XPR1: variants seen among roughly 807,000 people sequenced by gnomAD.
XPR1 encodes xenotropic and polytropic retrovirus receptor 1.
XPR1 carries 28 observed loss-of-function variants against 87.5 expected under a neutral mutation model. The ratio of observed to expected loss-of-function variants is 0.32; its 90% CI spans 0.24 to 0.44. XPR1 has a LOEUF of 0.44. XPR1 is among the 20% of genes least tolerant of loss of function. The probability of loss-of-function intolerance (pLI) is 1.00; values close to 1 mark genes in which losing one functional copy is unlikely to be tolerated. For synonymous variants in XPR1, 300 were observed against 306.1 expected (o/e 0.98, Z 0.21); for missense variants, 559 against 862.3 (o/e 0.65, Z 4.41).
intron 2 of XPR1, among the ~76,000 whole-genome samples, chr1:180,683,025 G>T (rs913777501): frequency 6.6e-6 from 1 of 151,872 alleles, no homozygotes; most frequent in African/African-American, 2.4e-5. Context: ...ACAATGTGCA[G>T]GTTTGTTACA....
intron 11 of XPR1, among the ~76,000 whole-genome samples, chr1:180,855,374 G>C (rs1271702216): frequency 6.6e-6 from 1 of 152,062 alleles, no homozygotes; most frequent in Non-Finnish European, 1.5e-5. Context: ...AACTTGAAAA[G>C]GGGTTTTTAC....
At chr1:180,766,939 T>TATG (rs1275912544) in intron 2 of XPR1, among the ~76,000 whole-genome samples, 1 of 152,232 alleles carries the variant, frequency 6.6e-6, no homozygotes, top group African/African-American at 2.4e-5. Context: ...TTGTCCCATA[T>TATG]ATGGTGACCA....
In XPR1 at chr1:180,811,470, A is replaced by G. The variant is rs1404572771; in HGVS notation, c.745A>G (p.Ile249Val). The change falls in exon 7 of 15, where the codon ATT (isoleucine) becomes GTT (valine). Residue 249 changes from isoleucine to valine, a missense_variant. Transcript: ENST00000367590. ...TTGTGGAATATTCATTGTACTGAAT[A>G]TTACCCTTGTGCTTGCCGGTAAGTA... ...LFCGIFIVLN[I>V]TLVLAAVFKL... 1.9e-6 allele frequency: 3 copies of G among 1,612,678 alleles called. No homozygotes were observed. The highest frequency in any genetic ancestry group is 2.5e-6 in the Non-Finnish European group (3 of 1,179,322).
intron 12 of XPR1, among the ~76,000 whole-genome samples, chr1:180,865,279 AAATT>A (rs1480352782): frequency 2.0e-5 from 3 of 152,210 alleles, no homozygotes; most frequent in East Asian, 1.9e-4. Flanking sequence ...TTTGAAAAGA[AAATT>A]AATAATCAGA....
chr1:180,748,512 G>A (rs1016620808), intron 2 of XPR1, among the ~76,000 whole-genome samples: 2 of 135,776 alleles, frequency 1.5e-5, no homozygotes, highest in African/African-American at 2.8e-5. Context: ...TCTGCCTCCC[G>A]GGTTCAAGCA....
intron 1 of XPR1, among the ~76,000 whole-genome samples, chr1:180,645,418 T>A (rs949711687): frequency 6.6e-6 from 1 of 152,250 alleles, no homozygotes; most frequent in Non-Finnish European, 1.5e-5. Context: ...CCAGTTTGGC[T>A]TTGAATGCAG....
At chr1:180,660,188 A>G (rs1333702984) in intron 1 of XPR1, among the ~76,000 whole-genome samples, 1 of 151,878 alleles carries the variant, frequency 6.6e-6, no homozygotes, top group East Asian at 1.9e-4. Context: ...TGATCCTTTG[A>G]ATTTCTGTGG....
chr1:180,696,204 G>A (rs369559114), intron 2 of XPR1, among the ~76,000 whole-genome samples: 11,254 of 98,900 alleles, frequency 0.11, 560 homozygotes, highest in African/African-American at 0.16. Flanking sequence ...GTGTGTGTGT[G>A]TGTGTATATA....
At chr1:180,726,725 T>A (rs1658364746) in intron 2 of XPR1, among the ~76,000 whole-genome samples, 1 of 152,200 alleles carries the variant, frequency 6.6e-6, no homozygotes, top group South Asian at 2.1e-4. Context: ...GAGAGATTTG[T>A]ACAAATGTAA....
intron 2 of XPR1, among the ~76,000 whole-genome samples, chr1:180,755,332 G>A (rs1331212051): frequency 6.6e-6 from 1 of 152,210 alleles, no homozygotes; most frequent in Non-Finnish European, 1.5e-5. Context: ...AAGTTAAGAA[G>A]CAGGTGAAAT....
At chr1:180,858,871 A>T (rs1012119741) in intron 11 of XPR1, among the ~76,000 whole-genome samples, 1 of 152,174 alleles carries the variant, frequency 6.6e-6, no homozygotes, top group Non-Finnish European at 1.5e-5. Context: ...ATCGGGGAAT[A>T]TCTATATTTG....
intron 2 of XPR1, among the ~76,000 whole-genome samples, chr1:180,739,231 G>A (rs920248349): frequency 6.6e-6 from 1 of 152,106 alleles, no homozygotes; most frequent in Non-Finnish European, 1.5e-5. Context: ...TGTTTCATTA[G>A]TTTATATGTC....
intron 1 of XPR1, among the ~76,000 whole-genome samples, chr1:180,645,502 G>A (rs1006066345): frequency 5.3e-5 from 8 of 152,200 alleles, no homozygotes; most frequent in Admixed American, 1.3e-4. Flanking sequence ...TGAGCAGGTT[G>A]AATGTGTCAC....
At chr1:180,771,030 A>G (rs912579237) in intron 2 of XPR1, among the ~76,000 whole-genome samples, 6 of 152,100 alleles carry the variant, frequency 3.9e-5, no homozygotes, top group Admixed American at 3.9e-4. Context: ...TATTACATAC[A>G]TTGATTGTTC....
At chr1:180,677,679 G>A (rs946310790) in intron 1 of XPR1, among the ~76,000 whole-genome samples, 2 of 152,212 alleles carry the variant, frequency 1.3e-5, no homozygotes, top group African/African-American at 4.8e-5. Context: ...CTTGTGACTA[G>A]TTAGTACTAC....
chr1:180,634,570 G>A (rs1311057335), intron 1 of XPR1, among the ~76,000 whole-genome samples: 1 of 152,114 alleles, frequency 6.6e-6, no homozygotes, highest in Non-Finnish European at 1.5e-5. Flanking sequence ...TTTTCATAAT[G>A]AATTAAATTG....
At chr1:180,712,950 T>C (rs1484960301) in intron 2 of XPR1, among the ~76,000 whole-genome samples, 1 of 151,302 alleles carries the variant, frequency 6.6e-6, no homozygotes, top group Non-Finnish European at 1.5e-5. Flanking sequence ...TCTTTTTTTT[T>C]TTTTTTCAAA....
At chr1:180,741,386 G>A (rs533422961) in intron 2 of XPR1, among the ~76,000 whole-genome samples, 10 of 151,412 alleles carry the variant, frequency 6.6e-5, no homozygotes, top group African/African-American at 9.7e-5. Flanking sequence ...GGCTGGTCTC[G>A]AACTCCTGAT....
chr1:180,754,173 A>G (rs1647636769), intron 2 of XPR1, among the ~76,000 whole-genome samples: 1 of 152,172 alleles, frequency 6.6e-6, no homozygotes, highest in Non-Finnish European at 1.5e-5. Context: ...TTCTGATAGA[A>G]TGTCAGTTTC....
Sources: allele counts gnomAD v4.1 joint callset (sites outside exome capture counted in the v4.1 genomes callset), GRCh38; gene constraint gnomAD v4.1.1; transcripts MANE v1.5; gene names NCBI Gene and HGNC (gene_info 2026-07-23, HGNC 2026-07-21).